The following APC variants were observed in gnomAD, a reference collection of about 807,000 sequenced individuals.
APC encodes APC regulator of Wnt signaling pathway, also known as adenomatous polyposis coli protein.
In APC, 72 loss-of-function variants were observed where a neutral mutation model predicts 247.0. The observed-to-expected ratio is 0.29, with a 90% CI of 0.24 to 0.35. APC has a LOEUF of 0.35. Ranked by LOEUF, APC falls within the 10% of genes least tolerant of loss-of-function variation. APC has a pLI of 1.00. For missense variants in APC, 3,400 were observed against 3,360.7 expected (o/e 1.01, Z -0.29); for synonymous variants, 1,254 against 1,162.5 (o/e 1.08, Z -1.60).
intron 6 of APC, among the ~76,000 whole-genome samples, chr5:112,790,148 C>T (rs1043063572): frequency 3.3e-5 from 5 of 152,176 alleles, no homozygotes; most frequent in Non-Finnish European, 1.5e-5. Flanking sequence ...GCCTGAGCCA[C>T]GGTGCCTGGC....
intron 6 of APC, among the ~76,000 whole-genome samples, chr5:112,782,640 C>T (rs1240722285): frequency 2.6e-5 from 4 of 152,090 alleles, no homozygotes; most frequent in African/African-American, 4.8e-5. Flanking sequence ...CAGAAAGATT[C>T]GTGACTTAAA....
At position 112,839,792 on chromosome 5, in the gene APC, T is replaced by C. The variant is rs1561590556; in HGVS notation, c.4198T>C (p.Ser1400Pro). The C allele has an allele frequency of 6.2e-7, 1 of 1,614,108 alleles. No individual in the cohort carries two copies. Among genetic ancestry groups the C allele is most frequent in the Non-Finnish European group, 8.5e-7 (1 of 1,180,012 alleles). The part of the protein sequence containing the change: ...VSSLDSFESR[S>P]IASSVQSEPC... ...TTCACTTGATAGTTTTGAGAGTCGTTCGATTGCCAGCTCCGTTCAGAGTGA... is the reference window on the plus strand; with the variant it reads ...TTCACTTGATAGTTTTGAGAGTCGTCCGATTGCCAGCTCCGTTCAGAGTGA... Residue 1400 changes from serine (S) to proline (P), a missense_variant, in exon 16 of 16, where the codon TCG becomes CCG. Ser to Pro is a moderately conservative substitution (Grantham distance 74). Transcript: ENST00000257430. The surrounding 1 kb of genome is among the most constrained non-coding windows in gnomAD (Gnocchi z 5.0).
rs1766204851 is a variant in APC, at chr5:112,841,991, G to C, written c.6397G>C (p.Asp2133His). ...ATCTAGACAAGCTTCGTCTGATTCA[G>C]ATTCCATCCTTTCCCTGAAATCAGG... Reference protein sequence around the residue: ...CLSRQASSDSDSILSLKSGIS... With the variant: ...CLSRQASSDSHSILSLKSGIS... Residue 2133 changes from aspartate (D) to histidine (H), a missense_variant, in exon 16 of 16, where the codon GAT becomes CAT. Asp to His is a moderately conservative substitution (Grantham distance 81). Transcript: ENST00000257430. The surrounding 1 kb of genome is among the most constrained non-coding windows in gnomAD (Gnocchi z 4.6). 1 of 1,613,262 alleles carries C rather than the reference G, an allele frequency of 6.2e-7. No individual in the cohort carries two copies. Among genetic ancestry groups the C allele is most frequent in the Non-Finnish European group, 8.5e-7 (1 of 1,179,330 alleles).
chr5:112,717,941 T>G (rs1321840291), intron 1 of APC, among the ~76,000 whole-genome samples: 2 of 136,132 alleles, frequency 1.5e-5, no homozygotes, highest in African/African-American at 2.6e-5. Context: ...TTTTTTTGCT[T>G]CTTTTTGACC....
At chr5:112,815,631 G>T (rs764477756) in intron 9 of APC, 38 bp downstream of exon 9, 2 of 1,525,480 alleles carry the variant, frequency 1.3e-6, no homozygotes, top group Admixed American at 1.7e-5. Context: ...CTAATGCCAT[G>T]ACTACTTTGC....
intron 1 of APC, among the ~76,000 whole-genome samples, chr5:112,748,843 C>CA (rs1753970181): frequency 6.6e-6 from 1 of 152,006 alleles, no homozygotes; most frequent in Admixed American, 6.6e-5. Flanking sequence ...ATGAGGTTTA[C>CA]AAAATTAGCT....
chr5:112,818,846 G>GA, intron 9 of APC, 120 bp from the exon 10 acceptor site: 5 of 795,020 alleles, frequency 6.3e-6, no homozygotes, highest in South Asian at 1.9e-5. Flanking sequence ...TTTTTTTTTG[G>GA]CGGGGGGGGT....
intron 4 of APC, among the ~76,000 whole-genome samples, chr5:112,767,869 A>G (rs1756536898): frequency 6.6e-6 from 1 of 151,208 alleles, no homozygotes. Context: ...TACTTTGACT[A>G]CTCTGTACAT....
At chr5:112,758,029 G>A (rs1404021163) in intron 2 of APC, among the ~76,000 whole-genome samples, 1 of 152,162 alleles carries the variant, frequency 6.6e-6, no homozygotes, top group South Asian at 2.1e-4. Context: ...AGGCAGAGGG[G>A]TGGAAATAGA....
chr5:112,792,797 A>T (rs974200876), intron 7 of APC, among the ~76,000 whole-genome samples: 2 of 152,224 alleles, frequency 1.3e-5, no homozygotes, highest in Non-Finnish European at 2.9e-5. Flanking sequence ...TAGTTAACTT[A>T]ATTTGGCTAC....
chr5:112,750,675 G>C (rs1754257077), intron 1 of APC, among the ~76,000 whole-genome samples: 1 of 152,058 alleles, frequency 6.6e-6, no homozygotes, highest in Non-Finnish European at 1.5e-5. Context: ...TCCTAGTCTA[G>C]TAACGGACAT....
rs114829630 is a variant in APC, at chr5:112,785,013, A to G, written c.645+4110A>G. Among the ~76,000 whole-genome samples, 1,187 of 152,200 alleles carry G rather than the reference A, an allele frequency of 7.8e-3. 19 individuals are homozygous for G. Among genetic ancestry groups the G allele is most frequent in the African/African-American group, 0.027 (1,110 of 41,518 alleles). ...TAGGAATTAGAGGTTGCAGTGAGCTATGATCATGCCACTGCACTCCAACCT... is the reference window on the plus strand; with the variant it reads ...TAGGAATTAGAGGTTGCAGTGAGCTGTGATCATGCCACTGCACTCCAACCT... On this transcript the variant is annotated intron_variant, in intron 6 of 15. Coordinates refer to ENST00000257430, the MANE Select transcript of APC (RefSeq NM_000038.6).
intron 1 of APC, among the ~76,000 whole-genome samples, chr5:112,746,030 A>G (rs1475033599): frequency 6.6e-6 from 1 of 152,216 alleles, no homozygotes; most frequent in African/African-American, 2.4e-5. Flanking sequence ...AAAAGTTTAA[A>G]GGAATAAAAG....
chr5:112,830,049 GTTC>G (rs1764147685), intron 14 of APC: 1 of 151,978 alleles, frequency 6.6e-6, no homozygotes, highest in South Asian at 2.1e-4. Context: ...CAGCCTACAT[GTTC>G]TTCTTCAAAA....
chr5:112,731,835 C>G (rs550392184), intron 1 of APC, among the ~76,000 whole-genome samples: 2 of 152,290 alleles, frequency 1.3e-5, no homozygotes, highest in Non-Finnish European at 2.9e-5. Flanking sequence ...GATCTCTGTT[C>G]ACTGCAGCCT....
intron 5 of APC, among the ~76,000 whole-genome samples, chr5:112,776,313 G>A (rs1032370397): frequency 6.6e-6 from 1 of 152,140 alleles, no homozygotes; most frequent in African/African-American, 2.4e-5. Flanking sequence ...TGCTGAACCA[G>A]TAAAACATAT....
rs1580695014 is a variant in APC at position 112,844,248 on chromosome 5, A to T, written c.*122A>T. The stretch of plus-strand genomic sequence containing the variant: ...TGTAAATAGGTTTGATTCTTGTTAG[A>T]GGGTTTTTGTTCTGGAAGCCATATT... On this transcript the variant is annotated 3_prime_UTR_variant, in exon 16 of 16. Transcript: ENST00000257430. The T allele has an allele frequency of 3.2e-6, 3 of 950,908 alleles. No individual in the cohort carries two copies. The highest frequency in any genetic ancestry group is 4.7e-6 in the Non-Finnish European group (3 of 641,760). 58.9% of individuals were successfully genotyped at this position (950,908 alleles called of 1,614,324 possible). A position where few individuals can be genotyped will look rare whatever the true frequency, so the allele number is the denominator to read the frequency against.
intron 8 of APC, among the ~76,000 whole-genome samples, chr5:112,813,056 T>C (rs1762145266): frequency 6.6e-6 from 1 of 152,184 alleles, no homozygotes; most frequent in African/African-American, 2.4e-5. Context: ...TCTGAACTAG[T>C]ATTCTCAGTC....
In APC at chr5:112,844,829, T is replaced by C. The variant is rs1766854813; in HGVS notation, c.*703T>C. The C allele has an allele frequency of 4.3e-6, 1 of 232,348 alleles. No homozygotes were observed. The highest frequency in any genetic ancestry group is 2.2e-5 in the African/African-American group (1 of 45,312). 14.4% of individuals were successfully genotyped at this position (232,348 alleles called of 1,614,324 possible). A position where few individuals can be genotyped will look rare whatever the true frequency, so the allele number is the denominator to read the frequency against. On this transcript the variant is annotated 3_prime_UTR_variant, in exon 16 of 16. Transcript: ENST00000257430. ...ACTATTTTACCTGAACTAGATTTTA[T>C]CTGAAAGTAGGTAGAATTTTTGCTA...
Sources: gnomAD v4.1 joint callset for allele counts (sites outside exome capture counted in the v4.1 genomes callset) on GRCh38, gnomAD v4.1.1 for gene constraint, Gnocchi (gnomAD v3.1) non-coding constraint, MANE v1.5 for transcripts, NCBI Gene and HGNC (gene_info 2026-07-23, HGNC 2026-07-21) for gene names.